Variants in ZEB1 observed in about 807,000 individuals in gnomAD.
The protein encoded by ZEB1 is zinc finger E-box-binding homeobox 1.
A neutral mutation model predicts 84.9 loss-of-function variants in ZEB1; 21 were observed. The ratio of observed to expected loss-of-function variants is 0.25; its 90% CI spans 0.18 to 0.36. The LOEUF is 0.36. Ranked by LOEUF, ZEB1 falls within the 10% of genes least tolerant of loss-of-function variation. The probability of loss-of-function intolerance (pLI) is 1.00; values close to 1 mark genes in which losing one functional copy is unlikely to be tolerated. For missense variants in ZEB1, 1,104 were observed against 1,330.2 expected (o/e 0.83, Z 2.65); for synonymous variants, 420 against 471.1 (o/e 0.89, Z 1.41).
At chr10:31,470,179 A>G (rs1162338886) in intron 2 of ZEB1, among the ~76,000 whole-genome samples, 60 of 152,158 alleles carry the variant, frequency 3.9e-4, no homozygotes, top group African/African-American at 1.2e-3. Context: ...AAGGAACGCA[A>G]TTCCTCACCA....
At chr10:31,495,867 A>T in intron 3 of ZEB1, 29 bp downstream of exon 3, 1 of 1,611,812 alleles carries the variant, frequency 6.2e-7, no homozygotes, top group East Asian at 2.2e-5. Flanking sequence ...CTTTCATACC[A>T]TAGCCTTTAA....
intron 1 of ZEB1, among the ~76,000 whole-genome samples, chr10:31,335,122 T>C (rs1048566692): frequency 5.3e-5 from 8 of 152,272 alleles, no homozygotes; most frequent in African/African-American, 1.9e-4. Flanking sequence ...CTTATCCATC[T>C]GTAGGTGGTT....
chr10:31,495,725 GT>G, intron 2 of ZEB1, 50 bp from the exon 3 acceptor site: 1 of 1,596,246 alleles, frequency 6.3e-7, no homozygotes, highest in East Asian at 2.2e-5. Flanking sequence ...TTTGTCTTTC[GT>G]TTGTATTAGG....
intron 1 of ZEB1, chr10:31,387,920 A>C: frequency 4.6e-6 from 1 of 218,860 alleles, no homozygotes; most frequent in Non-Finnish European, 7.7e-6. Context: ...GTCTTCAGGA[A>C]ATGAAGAATA....
chr10:31,403,737 A>G (rs1203212572), intron 1 of ZEB1, among the ~76,000 whole-genome samples: 1 of 152,006 alleles, frequency 6.6e-6, no homozygotes, highest in Non-Finnish European at 1.5e-5. Context: ...TATTATGTAT[A>G]TTATATATTC....
At chr10:31,335,761 A>T (rs2037884770) in intron 1 of ZEB1, among the ~76,000 whole-genome samples, 1 of 152,162 alleles carries the variant, frequency 6.6e-6, no homozygotes, top group Non-Finnish European at 1.5e-5. Context: ...ATTGTACTAG[A>T]AGTATAGCTA....
At chr10:31,374,520 T>C (rs1357470100) in intron 1 of ZEB1, among the ~76,000 whole-genome samples, 2 of 151,884 alleles carry the variant, frequency 1.3e-5, no homozygotes, top group Non-Finnish European at 1.5e-5. Flanking sequence ...TTCCCTGTTA[T>C]TGAACTTCCA....
intron 1 of ZEB1, among the ~76,000 whole-genome samples, chr10:31,442,106 C>T (rs1416395843): frequency 6.6e-6 from 1 of 152,168 alleles, no homozygotes; most frequent in East Asian, 1.9e-4. Flanking sequence ...GACACATGCA[C>T]ATGTATGTTG....
intron 1 of ZEB1, among the ~76,000 whole-genome samples, chr10:31,335,282 G>A (rs1280907039): frequency 6.6e-6 from 1 of 151,980 alleles, no homozygotes. Context: ...GTTACCATTG[G>A]TAGCCGTCTT....
intron 1 of ZEB1, among the ~76,000 whole-genome samples, chr10:31,379,650 AT>A (rs1195605272): frequency 6.6e-6 from 1 of 151,896 alleles, no homozygotes; most frequent in East Asian, 1.9e-4. Flanking sequence ...AGAGTAGGTA[AT>A]TCCATATTTA....
rs763293518 is a variant in ZEB1, at chr10:31,520,732, A to G, written c.1400A>G (p.Asp467Gly). Reference protein sequence around the residue: ...VISAISLPLVDQDGTTKIIIN... With the variant: ...VISAISLPLVGQDGTTKIIIN... ...TCAGCCATCAGTCTTCCTTTGGTTG[A>G]TCAAGATGGAACAACCAAAATTATC... Residue 467 changes from aspartate to glycine, a missense_variant, in exon 7 of 9, where the codon GAT becomes GGT. Asp to Gly is a moderately conservative substitution (Grantham distance 94, BLOSUM62 -1). This residue lies in a region of ZEB1 where 531 missense variants were observed against 575.2 expected (regional missense o/e 0.92). Coordinates refer to ENST00000424869, the MANE Select transcript of ZEB1 (RefSeq NM_001174096.2). This position sits in a 1 kb window ranked among gnomAD's most constrained non-coding sequence, Gnocchi z 5.1. The G allele has an allele frequency of 1.2e-6, 2 of 1,614,106 alleles. No homozygotes were observed. Among genetic ancestry groups the G allele is most frequent in the Non-Finnish European group, 1.7e-6 (2 of 1,179,996 alleles).
intron 1 of ZEB1, chr10:31,363,120 A>C (rs2043671077): frequency 1.3e-6 from 2 of 1,533,798 alleles, no homozygotes; most frequent in Non-Finnish European, 1.7e-6. Flanking sequence ...GAGAAGACCT[A>C]CTTGATCCAA....
intron 1 of ZEB1, among the ~76,000 whole-genome samples, chr10:31,328,228 AC>A (rs2036016732): frequency 6.6e-6 from 1 of 152,044 alleles, no homozygotes; most frequent in South Asian, 2.1e-4. Flanking sequence ...TTTTGAATAC[AC>A]CCTTTCTTAA....
chr10:31,524,128 A>G lies in ZEB1; in HGVS notation c.2785+15A>G. 6.2e-7 allele frequency: 1 copy of G among 1,612,730 alleles called. No homozygotes were observed. The highest frequency in any genetic ancestry group is 1.1e-5 in the South Asian group (1 of 90,960). ...TGAACACACAGGTATGTCAGTGAAC[A>G]CAAACATAAAGTGTCCATGATATGA... On this transcript the variant is annotated intron_variant, in intron 8 of 8. Coordinates refer to ENST00000424869, the MANE Select transcript of ZEB1 (RefSeq NM_001174096.2).
At chr10:31,375,981 G>T (rs2046554521) in intron 1 of ZEB1, among the ~76,000 whole-genome samples, 1 of 151,500 alleles carries the variant, frequency 6.6e-6, no homozygotes, top group South Asian at 2.1e-4. Flanking sequence ...GTCACATCTC[G>T]TAAAATCATC....
chr10:31,362,110 G>A (rs1385570314), intron 1 of ZEB1, among the ~76,000 whole-genome samples: 18 of 137,084 alleles, frequency 1.3e-4, no homozygotes, highest in Non-Finnish European at 2.4e-4. Flanking sequence ...TCCTTACTTC[G>A]CAGACAGGAC....
At chr10:31,360,918 C>T in intron 1 of ZEB1, 2 of 1,511,250 alleles carry the variant, frequency 1.3e-6, no homozygotes, top group Non-Finnish European at 9.1e-7. Flanking sequence ...TGCATGGATG[C>T]TCTAATAAAT....
intron 1 of ZEB1, among the ~76,000 whole-genome samples, chr10:31,364,560 C>T (rs914726038): frequency 6.6e-5 from 10 of 152,206 alleles, no homozygotes; most frequent in African/African-American, 2.4e-4. Flanking sequence ...CCCGCCTTCT[C>T]CATGGCTGCC....
At chr10:31,413,310 C>T (rs2054630729) in intron 1 of ZEB1, among the ~76,000 whole-genome samples, 2 of 152,126 alleles carry the variant, frequency 1.3e-5, no homozygotes, top group Admixed American at 6.6e-5. Flanking sequence ...AGGTAATAAG[C>T]CCTTGTATCT....
Sources: gnomAD v4.1 joint callset for allele counts (sites outside exome capture counted in the v4.1 genomes callset) on GRCh38, gnomAD v4.1.1 for gene constraint, gnomAD v4.1.1 regional missense constraint, Gnocchi (gnomAD v3.1) non-coding constraint, MANE v1.5 for transcripts, NCBI Gene and HGNC (gene_info 2026-07-23, HGNC 2026-07-21) for gene names.